The following RERE variants were observed in gnomAD, a reference collection of about 807,000 sequenced individuals.
The protein encoded by RERE is arginine-glutamic acid dipeptide repeats protein.
Under a neutral mutation model 146.1 loss-of-function variants are expected in RERE, and 40 were observed. That is an observed-to-expected ratio of 0.27 (90% CI 0.21 to 0.36). The LOEUF (loss-of-function observed/expected upper bound fraction) is 0.36, where lower values mean the gene tolerates loss of function less well. Among genes scored for constraint, RERE ranks in the 10% least tolerant of loss-of-function variants. The pLI is 1.00. For missense variants in RERE, 1,933 were observed against 2,138.7 expected, an observed-to-expected ratio of 0.90 and a Z score of 1.90; for synonymous variants, 1,003 against 866.0, an observed-to-expected ratio of 1.16 and a Z score of -2.78.
At chr1:8,804,723 G>C (rs1261578893) in intron 1 of RERE, among the ~76,000 whole-genome samples, 3 of 150,846 alleles carry the variant, frequency 2.0e-5, no homozygotes, top group African/African-American at 7.3e-5. Context: ...ATGCAGAACT[G>C]ATGTGAGAAA....
intron 1 of RERE, among the ~76,000 whole-genome samples, chr1:8,668,480 C>T (rs375655997): frequency 3.0e-4 from 45 of 152,292 alleles, no homozygotes; most frequent in African/African-American, 1.0e-3. Context: ...AACCAAATCC[C>T]TGATCTTGAA....
intron 1 of RERE, among the ~76,000 whole-genome samples, chr1:8,678,448 T>C (rs1264781733): frequency 6.7e-6 from 1 of 148,618 alleles, no homozygotes; most frequent in East Asian, 2.0e-4. Flanking sequence ...ATCAAAACCA[T>C]CCTGGCTAAC....
intron 4 of RERE, among the ~76,000 whole-genome samples, chr1:8,601,723 C>A (rs1646631407): frequency 7.7e-6 from 1 of 130,292 alleles, no homozygotes; most frequent in South Asian, 2.6e-4. Context: ...CAACTGCCAT[C>A]ATGTCCAAGG....
intron 2 of RERE, among the ~76,000 whole-genome samples, chr1:8,642,988 G>C (rs922019981): frequency 2.6e-5 from 4 of 152,192 alleles, no homozygotes; most frequent in African/African-American, 2.4e-5. Context: ...GAATGTGCTA[G>C]ACACTTTTCC....
intron 4 of RERE, among the ~76,000 whole-genome samples, chr1:8,607,653 C>G (rs1299803211): frequency 7.0e-6 from 1 of 142,630 alleles, no homozygotes; most frequent in Non-Finnish European, 1.5e-5. Flanking sequence ...TCAAGTAATC[C>G]TCCTGCCTCA....
At chr1:8,361,604 C>G in intron 17 of RERE, 114 bp from the exon 18 acceptor site, 1 of 1,454,932 alleles carries the variant, frequency 6.9e-7, no homozygotes. Context: ...GCAAGCTTGG[C>G]TCCGGGACCA....
chr1:8,484,842 G>T (rs2124193248), intron 10 of RERE, among the ~76,000 whole-genome samples: 1 of 152,308 alleles, frequency 6.6e-6, no homozygotes, highest in East Asian at 1.9e-4. Context: ...TTTTCCTAAT[G>T]AGAGAGACCA....
chr1:8,661,140 G>A (rs928364580), intron 1 of RERE, among the ~76,000 whole-genome samples: 21 of 152,296 alleles, frequency 1.4e-4, no homozygotes, highest in African/African-American at 4.6e-4. Context: ...CCTCTCTGAG[G>A]GGGCTTTGAC....
intron 1 of RERE, among the ~76,000 whole-genome samples, chr1:8,705,984 C>T (rs1272116825): frequency 1.3e-5 from 2 of 151,644 alleles, no homozygotes; most frequent in Non-Finnish European, 2.9e-5. Context: ...GGCGTGGTGG[C>T]GGCCACCTGT....
intron 1 of RERE, among the ~76,000 whole-genome samples, chr1:8,779,257 G>C (rs1384300004): frequency 6.6e-6 from 1 of 151,696 alleles, no homozygotes; most frequent in African/African-American, 2.4e-5. Flanking sequence ...TCCGGGCGCA[G>C]TGGCTCACAC....
At chr1:8,468,529 T>C (rs967173881) in intron 10 of RERE, among the ~76,000 whole-genome samples, 1 of 152,326 alleles carries the variant, frequency 6.6e-6, no homozygotes, top group Non-Finnish European at 1.5e-5. Context: ...AAATTTTTAA[T>C]GAAAAGCTCA....
intron 12 of RERE, among the ~76,000 whole-genome samples, chr1:8,420,584 C>T (rs1643896845): frequency 6.6e-6 from 1 of 152,190 alleles, no homozygotes; most frequent in African/African-American, 2.4e-5. Context: ...TACCCTACTA[C>T]CAAACTCCTC....
At chr1:8,775,603 T>C (rs1426841844) in intron 1 of RERE, among the ~76,000 whole-genome samples, 3 of 152,046 alleles carry the variant, frequency 2.0e-5, no homozygotes, top group African/African-American at 7.2e-5. Flanking sequence ...AACAAATAAA[T>C]CAACTTTTTT....
chr1:8,638,277 G>T (rs1647127023), intron 2 of RERE, among the ~76,000 whole-genome samples: 2 of 152,016 alleles, frequency 1.3e-5, no homozygotes, highest in African/African-American at 4.8e-5. Context: ...ATTTTGAGAT[G>T]TTTTTTCCAT....
At chr1:8,355,693 G>A in intron 21 of RERE, 94 bp from the exon 22 acceptor site, 1 of 1,120,786 alleles carries the variant, frequency 8.9e-7, no homozygotes, top group Non-Finnish European at 1.2e-6. Context: ...AAGAGCACAG[G>A]AGAGGTGCCA....
At chr1:8,528,053 A>G (rs560650955) in intron 7 of RERE, among the ~76,000 whole-genome samples, 3 of 151,860 alleles carry the variant, frequency 2.0e-5, no homozygotes, top group South Asian at 2.1e-4. Context: ...GAACCACCCA[A>G]CTCTCCTATT....
intron 1 of RERE, among the ~76,000 whole-genome samples, chr1:8,794,383 C>CCT (rs1232242674): frequency 4.0e-5 from 5 of 126,566 alleles, no homozygotes; most frequent in Non-Finnish European, 8.2e-5. Flanking sequence ...AAAAAAAAAG[C>CCT]CTCTGAAATC....
In RERE at chr1:8,423,423, C is replaced by G. The variant is rs956113287; in HGVS notation, c.1204-616G>C. The G allele has an allele frequency of 7.8e-6, 4 of 515,072 alleles. No homozygotes were observed. Among genetic ancestry groups the G allele is most frequent in the Non-Finnish European group, 1.0e-5 (4 of 400,094 alleles). The allele number at this position is 515,072 out of a possible 1,614,324, so 31.9% of individuals were successfully genotyped here. ...ATAACCAGCACCCCTTCCGCCCTCC[C>G]GACGCCACTCGCCGCCCCCATCCAT... On this transcript the variant is annotated intron_variant, in intron 11 of 22. Transcript: ENST00000400908. The surrounding 1 kb of genome is among the most constrained non-coding windows in gnomAD (Gnocchi z 5.4).
At chr1:8,816,780 C>T (rs888169865) in intron 1 of RERE, among the ~76,000 whole-genome samples, 1 of 152,000 alleles carries the variant, frequency 6.6e-6, no homozygotes, top group Non-Finnish European at 1.5e-5. Flanking sequence ...ATAATAAAGT[C>T]CTCCCCCCAG....
Sources: gnomAD v4.1 joint callset for allele counts (sites outside exome capture counted in the v4.1 genomes callset) on GRCh38, gnomAD v4.1.1 for gene constraint, Gnocchi (gnomAD v3.1) non-coding constraint, MANE v1.5 for transcripts, NCBI Gene and HGNC (gene_info 2026-07-23, HGNC 2026-07-21) for gene names.